NTNG1: variants seen among roughly 807,000 people sequenced by gnomAD.
NTNG1 encodes netrin-G1.
A neutral mutation model predicts 54.0 loss-of-function variants in NTNG1; 16 were observed. The ratio of observed to expected loss-of-function variants is 0.30; its 90% CI spans 0.20 to 0.45. The LOEUF (loss-of-function observed/expected upper bound fraction) is 0.45, where lower values mean the gene tolerates loss of function less well. NTNG1 is among the 20% of genes least tolerant of loss of function. NTNG1 has a pLI of 1.00. For missense variants in NTNG1, 530 were observed against 678.7 expected, an observed-to-expected ratio of 0.78 and a Z score of 2.43; for synonymous variants, 255 against 263.1, an observed-to-expected ratio of 0.97 and a Z score of 0.30.
At chr1:107,317,729 C>A (rs1161299099) in intron 2 of NTNG1, among the ~76,000 whole-genome samples, 1 of 152,110 alleles carries the variant, frequency 6.6e-6, no homozygotes, top group Non-Finnish European at 1.5e-5. Flanking sequence ...TAAGCCCTCC[C>A]GTCTTTATTC....
chr1:107,335,402 G>A (rs1028205934), intron 3 of NTNG1, among the ~76,000 whole-genome samples: 1 of 151,992 alleles, frequency 6.6e-6, no homozygotes, highest in Non-Finnish European at 1.5e-5. Context: ...GTTTCAAAGA[G>A]TTTGAGCTGA....
intron 2 of NTNG1, among the ~76,000 whole-genome samples, chr1:107,156,369 G>A (rs899968073): frequency 6.6e-6 from 1 of 152,024 alleles, no homozygotes; most frequent in Non-Finnish European, 1.5e-5. Flanking sequence ...AAATATAGGA[G>A]GTTTGGTATG....
chr1:107,265,139 A>T (rs1170525720), intron 2 of NTNG1, among the ~76,000 whole-genome samples: 4 of 152,164 alleles, frequency 2.6e-5, no homozygotes, highest in African/African-American at 9.7e-5. Context: ...CCAATATTCT[A>T]TCTCAGTTTC....
intron 3 of NTNG1, among the ~76,000 whole-genome samples, chr1:107,384,437 C>G (rs1166642804): frequency 6.6e-6 from 1 of 151,684 alleles, no homozygotes; most frequent in East Asian, 1.9e-4. Flanking sequence ...GCCAATTGCT[C>G]TCTCTCTCTC....
rs189830357 is a variant in NTNG1 at position 107,403,603 on chromosome 1, G to A, written c.1061-4079G>A. 201 of 155,404 alleles carry A rather than the reference G, an allele frequency of 1.3e-3. 1 individual carries two copies. The highest frequency in any genetic ancestry group is 4.3e-3 in the African/African-American group (177 of 41,530). The allele number at this position is 155,404 out of a possible 1,614,324, so 9.6% of individuals were successfully genotyped here. On this transcript the variant is annotated intron_variant, in intron 4 of 7. Transcript: ENST00000370068. ...CATGTGCCTGTAATCCTAGCTACTC[G>A]GGAGGCTGAGGCAGGAGAATCGCTT...
chr1:107,154,118 G>C (rs959265452), intron 2 of NTNG1, among the ~76,000 whole-genome samples: 3 of 152,102 alleles, frequency 2.0e-5, no homozygotes, highest in Non-Finnish European at 4.4e-5. Context: ...CAGAAGTAGA[G>C]TCCTGAGCAA....
At chr1:107,334,397 G>A (rs1668457383) in intron 3 of NTNG1, among the ~76,000 whole-genome samples, 1 of 151,524 alleles carries the variant, frequency 6.6e-6, no homozygotes, top group African/African-American at 2.4e-5. Flanking sequence ...ACATATTGAT[G>A]ACATCCATGT....
At chr1:107,225,429 A>T (rs960367028) in intron 2 of NTNG1, among the ~76,000 whole-genome samples, 2 of 152,160 alleles carry the variant, frequency 1.3e-5, no homozygotes, top group African/African-American at 4.8e-5. Flanking sequence ...ATATGTAAAT[A>T]GGTCTGTGCA....
chr1:107,459,611 T>G (rs1321615492), intron 7 of NTNG1, among the ~76,000 whole-genome samples: 2 of 152,234 alleles, frequency 1.3e-5, no homozygotes, highest in African/African-American at 4.8e-5. Context: ...GCAGTCAAGA[T>G]TAATGATTCT....
intron 2 of NTNG1, among the ~76,000 whole-genome samples, chr1:107,291,942 C>G (rs907126260): frequency 1.3e-5 from 2 of 151,634 alleles, no homozygotes; most frequent in African/African-American, 4.8e-5. Flanking sequence ...AGAACTCTTT[C>G]AAATTAACAA....
intron 2 of NTNG1, among the ~76,000 whole-genome samples, chr1:107,190,841 G>A (rs1406764924): frequency 6.6e-6 from 1 of 152,154 alleles, no homozygotes; most frequent in Non-Finnish European, 1.5e-5. Flanking sequence ...GGACATTGAG[G>A]TTGGTTCCAA....
At chr1:107,343,106 A>T (rs904135375) in intron 3 of NTNG1, among the ~76,000 whole-genome samples, 3 of 152,138 alleles carry the variant, frequency 2.0e-5, no homozygotes, top group African/African-American at 7.2e-5. Flanking sequence ...ACTTTATTAG[A>T]TGTTGTCACA....
At chr1:107,376,315 T>A (rs376718636) in intron 3 of NTNG1, among the ~76,000 whole-genome samples, 4 of 150,362 alleles carry the variant, frequency 2.7e-5, no homozygotes, top group African/African-American at 4.9e-5. Context: ...GGCTGAGGCA[T>A]GGGAATGGCG....
chr1:107,438,704 G>A (rs1017298672), intron 7 of NTNG1, among the ~76,000 whole-genome samples: 2 of 152,084 alleles, frequency 1.3e-5, no homozygotes, highest in South Asian at 2.1e-4. Context: ...GTAAGACTTG[G>A]GAGAGGAAAA....
Position 107,407,726 on chromosome 1 carries a change from CA to C in NTNG1, c.1087+26del, listed in dbSNP as rs753896110. 26 of 1,598,558 alleles carry C rather than the reference CA, an allele frequency of 1.6e-5. No individual in the cohort carries two copies. The highest frequency in any genetic ancestry group is 1.7e-4 in the Middle Eastern group (1 of 6,028). On this transcript the variant is annotated intron_variant, in intron 5 of 7. Transcript: ENST00000370068. The stretch of plus-strand genomic sequence containing the variant: ...TATTGGTAGTAAGTAAAAACAAAAA[CA>C]AAAAAAACACCAAACCAAGTCTAGG...
At chr1:107,369,378 T>C (rs1273998152) in intron 3 of NTNG1, among the ~76,000 whole-genome samples, 1 of 152,142 alleles carries the variant, frequency 6.6e-6, no homozygotes. Context: ...TGTATGAGAG[T>C]TCCAGTTCCT....
At chr1:107,261,194 A>G (rs999351504) in intron 2 of NTNG1, among the ~76,000 whole-genome samples, 8 of 152,216 alleles carry the variant, frequency 5.3e-5, no homozygotes, top group African/African-American at 1.9e-4. Flanking sequence ...TATACTAAGT[A>G]CTGGAGATAT....
At chr1:107,308,324 T>C (rs1421151644) in intron 2 of NTNG1, among the ~76,000 whole-genome samples, 1 of 152,206 alleles carries the variant, frequency 6.6e-6, no homozygotes, top group Non-Finnish European at 1.5e-5. Context: ...GAGTTGATTT[T>C]TGTGTATGGT....
rs151288291 is a variant in NTNG1, at chr1:107,324,465, C to T, written c.430C>T (p.Leu144=). ...ITLSWSKTIE[L]TDNIVITFES... ...TCTGTCTTGGAGCAAAACCATTGAG[C>T]TAACAGACAACATAGTTATTACCTT... Residue 144 remains leucine, a synonymous_variant, in exon 3 of 8, where the codon CTA becomes TTA. Coordinates refer to ENST00000370068, the MANE Select transcript of NTNG1 (RefSeq NM_001113226.3). 5.9e-4 allele frequency: 960 copies of T among 1,613,778 alleles called. 4 individuals are homozygous for T. In the African/African-American group the frequency reaches 0.011, roughly 19 times the overall value.
Sources: allele counts gnomAD v4.1 joint callset (sites outside exome capture counted in the v4.1 genomes callset), GRCh38; gene constraint gnomAD v4.1.1; transcripts MANE v1.5; gene names NCBI Gene and HGNC (gene_info 2026-07-23, HGNC 2026-07-21).